The following ARHGAP42 variants were observed in gnomAD, a reference collection of about 807,000 sequenced individuals.
ARHGAP42 encodes the protein rho GTPase-activating protein 42.
In ARHGAP42, 63 loss-of-function variants were observed where a neutral mutation model predicts 125.0. The ratio of observed to expected loss-of-function variants is 0.50; its 90% CI spans 0.41 to 0.62. The LOEUF (loss-of-function observed/expected upper bound fraction) is 0.62, where lower values mean the gene tolerates loss of function less well. Ranked by LOEUF, ARHGAP42 falls within the 20% of genes least tolerant of loss-of-function variation. ARHGAP42 has a pLI of 0.00. For missense variants in ARHGAP42, 766 were observed against 1,024.2 expected, an observed-to-expected ratio of 0.75 and a Z score of 3.44; for synonymous variants, 339 against 351.0, an observed-to-expected ratio of 0.97 and a Z score of 0.38.
At chr11:100,851,243 T>C (rs1179879084) in intron 3 of ARHGAP42, among the ~76,000 whole-genome samples, 2 of 152,134 alleles carry the variant, frequency 1.3e-5, no homozygotes, top group Non-Finnish European at 2.9e-5. Flanking sequence ...ACCTGAACAC[T>C]GAATGAATGA....
Position 100,992,852 on chromosome 11 carries a change from A to G in ARHGAP42, c.*4051A>G, listed in dbSNP as rs1858875940. ...AAATTGATCTGCATGTCCTAGACCA[A>G]TGATTACAAGGTGTCTGTGGTTTAG... On this transcript the variant is annotated 3_prime_UTR_variant, in exon 24 of 24. Transcript: ENST00000298815. 4.8e-6 allele frequency: 4 copies of G among 826,484 alleles called. No individual in the cohort carries two copies. The South Asian group carries it at 5.8e-5, about 12-fold the overall frequency. 51.2% of individuals were successfully genotyped at this position (826,484 alleles called of 1,614,324 possible). A position where few individuals can be genotyped will look rare whatever the true frequency, so the allele number is the denominator to read the frequency against.
chr11:100,706,766 C>T (rs1861487554), intron 1 of ARHGAP42, among the ~76,000 whole-genome samples: 1 of 152,084 alleles, frequency 6.6e-6, no homozygotes. Flanking sequence ...AGATATAATT[C>T]ACTGCCATAA....
chr11:100,934,234 C>T (rs773897382), intron 7 of ARHGAP42, among the ~76,000 whole-genome samples: 5 of 151,924 alleles, frequency 3.3e-5, no homozygotes, highest in Admixed American at 1.3e-4. Flanking sequence ...AATGTGGTTT[C>T]GAGGCATTCA....
intron 3 of ARHGAP42, chr11:100,816,735 G>C (rs754585936): frequency 3.9e-5 from 6 of 152,070 alleles, no homozygotes; most frequent in Non-Finnish European, 7.4e-5. Flanking sequence ...AAGAGGTTTT[G>C]CTGCCAGCCC....
At chr11:100,736,016 A>G (rs1301285787) in intron 1 of ARHGAP42, among the ~76,000 whole-genome samples, 1 of 152,208 alleles carries the variant, frequency 6.6e-6, no homozygotes, top group Non-Finnish European at 1.5e-5. Context: ...CAAGAGAGTA[A>G]AAGGAAGCAA....
At chr11:100,856,848 AT>A (rs1340882544) in intron 3 of ARHGAP42, among the ~76,000 whole-genome samples, 1 of 152,010 alleles carries the variant, frequency 6.6e-6, no homozygotes, top group Non-Finnish European at 1.5e-5. Context: ...TATGCTAGTG[AT>A]TTTTTTCAAA....
rs79462335 is a variant in ARHGAP42, at chr11:100,973,746, G to A, written c.1710+412G>A. Among the ~76,000 whole-genome samples the A allele has an allele frequency of 1.9e-3, 289 of 152,178 alleles. 1 individual carries two copies. Among genetic ancestry groups the A allele is most frequent in the African/African-American group, 6.5e-3 (268 of 41,526 alleles). On this transcript the variant is annotated intron_variant, in intron 18 of 23. Transcript: ENST00000298815. ...CTTCTCTATATCTAGTCCCTAAGAA[G>A]GATTTCTTGAAAAAAGTGAGATCTT...
At chr11:100,809,152 T>C (rs906643780) in intron 3 of ARHGAP42, among the ~76,000 whole-genome samples, 17 of 152,204 alleles carry the variant, frequency 1.1e-4, no homozygotes, top group African/African-American at 3.9e-4. Context: ...GTTAGCTGGC[T>C]TCTTCCACAT....
At chr11:100,861,880 G>A (rs1319967513) in intron 4 of ARHGAP42, among the ~76,000 whole-genome samples, 1 of 152,112 alleles carries the variant, frequency 6.6e-6, no homozygotes, top group Non-Finnish European at 1.5e-5. Context: ...TAAAATCATG[G>A]GAGTAGATTA....
rs528196997 is a variant in ARHGAP42 at position 100,837,612 on chromosome 11, G to A, written c.313-21942G>A. On this transcript the variant is annotated intron_variant, in intron 3 of 23. Coordinates refer to ENST00000298815, the MANE Select transcript of ARHGAP42 (RefSeq NM_152432.4). ...GAAGGCATGGAATATTTTATAACAA[G>A]GGGAGAGGTTTTCCCGGAAATTCAC... Among the ~76,000 whole-genome samples the A allele has an allele frequency of 4.1e-5, 6 of 144,840 alleles. No individual in the cohort carries two copies. In the South Asian group the frequency reaches 1.4e-3, roughly 33 times the overall value.
intron 1 of ARHGAP42, among the ~76,000 whole-genome samples, chr11:100,694,969 T>A (rs1331784543): frequency 1.3e-5 from 2 of 152,210 alleles, no homozygotes; most frequent in Non-Finnish European, 2.9e-5. Flanking sequence ...AGGCAGAGGT[T>A]GCAGTGAGCT....
intron 4 of ARHGAP42, among the ~76,000 whole-genome samples, chr11:100,869,424 T>G (rs1865649044): frequency 6.6e-6 from 1 of 151,554 alleles, no homozygotes; most frequent in African/African-American, 2.4e-5. Flanking sequence ...TTTTTCTTTG[T>G]AGTTCATAGT....
At chr11:100,777,473 G>A (rs1206999325) in intron 2 of ARHGAP42, among the ~76,000 whole-genome samples, 1 of 152,110 alleles carries the variant, frequency 6.6e-6, no homozygotes, top group Non-Finnish European at 1.5e-5. Context: ...GTGTAAAAAG[G>A]CATAAAATTT....
chr11:100,892,139 C>G (rs1320758574), intron 4 of ARHGAP42, among the ~76,000 whole-genome samples: 11 of 152,166 alleles, frequency 7.2e-5, no homozygotes, highest in African/African-American at 2.4e-4. Context: ...GAATTTCATT[C>G]TGTGGCTTTG....
At chr11:100,940,619 C>T (rs1366009232) in intron 8 of ARHGAP42, among the ~76,000 whole-genome samples, 2 of 152,176 alleles carry the variant, frequency 1.3e-5, no homozygotes, top group Admixed American at 6.6e-5. Flanking sequence ...GAACATTACA[C>T]ATACAAGTTT....
At chr11:100,907,350 T>A (rs579847) in intron 4 of ARHGAP42, among the ~76,000 whole-genome samples, 69,337 of 152,128 alleles carry the variant, frequency 0.46, 17,697 homozygotes, top group African/African-American at 0.67. Context: ...TTTGTAGGAG[T>A]TCCTTGTAAA....
At chr11:100,922,913 G>T (rs545954656) in intron 6 of ARHGAP42, among the ~76,000 whole-genome samples, 239 of 152,286 alleles carry the variant, frequency 1.6e-3, no homozygotes, top group Non-Finnish European at 2.6e-3. Flanking sequence ...CCACCACTCA[G>T]GCTCAGGGAT....
Position 100,992,511 on chromosome 11 carries a change from G to C in ARHGAP42, c.*3710G>C. On this transcript the variant is annotated 3_prime_UTR_variant, in exon 24 of 24. Coordinates refer to ENST00000298815, the MANE Select transcript of ARHGAP42 (RefSeq NM_152432.4). ...AAGACACTTTTAAGAAACAAAGATAGTTTTCTGAACATTCTGTGTCCTGCC... is the reference window on the plus strand; with the variant it reads ...AAGACACTTTTAAGAAACAAAGATACTTTTCTGAACATTCTGTGTCCTGCC... 6.2e-7 allele frequency: 1 copy of C among 1,614,024 alleles called. No individual in the cohort carries two copies. Among genetic ancestry groups the C allele is most frequent in the Non-Finnish European group, 8.5e-7 (1 of 1,179,952 alleles).
intron 2 of ARHGAP42, among the ~76,000 whole-genome samples, chr11:100,778,692 G>A (rs907448356): frequency 2.6e-5 from 4 of 152,074 alleles, no homozygotes; most frequent in Non-Finnish European, 5.9e-5. Context: ...CTGCTTGAGA[G>A]AGATGCTTTT....
Sources: gnomAD v4.1 joint callset for allele counts (sites outside exome capture counted in the v4.1 genomes callset) on GRCh38, gnomAD v4.1.1 for gene constraint, MANE v1.5 for transcripts, NCBI Gene and HGNC (gene_info 2026-07-23, HGNC 2026-07-21) for gene names.